FIP1L1: variants seen among roughly 807,000 people sequenced by gnomAD.
FIP1L1 encodes pre-mRNA 3'-end-processing factor FIP1.
FIP1L1 carries 21 observed loss-of-function variants against 84.6 expected under a neutral mutation model. That is an observed-to-expected ratio of 0.25 (90% CI 0.18 to 0.36). The LOEUF is 0.36. Ranked by LOEUF, FIP1L1 falls within the 10% of genes least tolerant of loss-of-function variation. The pLI is 1.00. For synonymous variants in FIP1L1, 263 were observed against 242.3 expected, an observed-to-expected ratio of 1.09 and a Z score of -0.80; for missense variants, 526 against 751.1, an observed-to-expected ratio of 0.70 and a Z score of 3.50.
At chr4:53,384,022 T>G (rs10012853) in intron 5 of FIP1L1, 146 bp downstream of exon 5, 613,135 of 739,014 alleles carry the variant, frequency 0.83, 255,493 homozygotes, top group Non-Finnish European at 0.85. Flanking sequence ...TCATCATGAA[T>G]ATACTTCTTT....
chr4:53,459,185 G>T, intron 17 of FIP1L1, 117 bp from the exon 18 acceptor site: 1 of 712,234 alleles, frequency 1.4e-6, no homozygotes, highest in Non-Finnish European at 2.3e-6. Flanking sequence ...ATGAGAAAAT[G>T]CATTAGATTA....
At chr4:53,389,256 A>G (rs1232236790) in intron 5 of FIP1L1, among the ~76,000 whole-genome samples, 3 of 152,248 alleles carry the variant, frequency 2.0e-5, no homozygotes, top group Admixed American at 2.0e-4. Flanking sequence ...AAGAACTGAA[A>G]GGCCACTAGA....
chr4:53,428,266 T>C, intron 13 of FIP1L1, 83 bp downstream of exon 13: 3 of 1,317,570 alleles, frequency 2.3e-6, no homozygotes, highest in Non-Finnish European at 3.1e-6. Context: ...TAAAATAATA[T>C]CTTGATCACA....
chr4:53,377,981 C>G, intron 1 of FIP1L1, 58 bp downstream of exon 1: 1 of 1,411,946 alleles, frequency 7.1e-7, no homozygotes, highest in Non-Finnish European at 9.5e-7. Context: ...TCTTGGCCCT[C>G]AAACGGCCGG....
In FIP1L1 at chr4:53,453,012, G is replaced by A. The variant is rs749897147; in HGVS notation, c.1378G>A (p.Asp460Asn). Residue 460 changes from aspartate to asparagine, a missense_variant, in exon 16 of 18, where the codon GAC (aspartate) becomes AAC (asparagine). Physicochemically the swap from Asp to Asn is conservative, Grantham distance 23. Around this residue, in one of 6 missense-constraint regions of FIP1L1, gnomAD observed 83 missense variants for 93.8 expected, o/e 0.88. Coordinates refer to ENST00000337488, the MANE Select transcript of FIP1L1 (RefSeq NM_030917.4). ...QWDYYARREKDRDRERDRDRE... is the reference protein window; with the variant it reads ...QWDYYARREKNRDRERDRDRE... ...GGACTATTATGCCAGAAGAGAGAAA[G>A]ACCGAGATAGAGAGAGAGACAGAGA... The A allele has an allele frequency of 6.2e-7, 1 of 1,613,748 alleles. No homozygotes were observed. Among genetic ancestry groups the A allele is most frequent in the South Asian group, 1.1e-5 (1 of 91,056 alleles).
Position 53,442,552 on chromosome 4 carries a change from C to G in FIP1L1, c.1175-101C>G. ...TTATTACAACATAGAGAAGCACATT[C>G]ATATCCCCAGAGAAATTTAGTGATA... On this transcript the variant is annotated intron_variant, in intron 13 of 17. Coordinates refer to ENST00000337488, the MANE Select transcript of FIP1L1 (RefSeq NM_030917.4). 4 of 766,818 alleles carry G rather than the reference C, an allele frequency of 5.2e-6. No individual in the cohort carries two copies. The South Asian group carries it at 6.4e-5, about 12-fold the overall frequency. The allele number at this position is 766,818 out of a possible 1,614,324, so 47.5% of individuals were successfully genotyped here. A position where few individuals can be genotyped will look rare whatever the true frequency, so the allele number is the denominator to read the frequency against.
intron 5 of FIP1L1, among the ~76,000 whole-genome samples, chr4:53,388,193 A>G (rs1461611013): frequency 6.6e-6 from 1 of 152,226 alleles, no homozygotes; most frequent in Admixed American, 6.5e-5. Context: ...ATCAGAGACA[A>G]AAGATGGAAG....
rs563682335 is a variant in FIP1L1, at chr4:53,389,946, T to C, written c.397+73T>C. On this transcript the variant is annotated intron_variant, in intron 6 of 17. Transcript: ENST00000337488. ...TCTTAAATAGGTCTTAATAGCTTTTTTTTTTAGTCGGGGACAGAGTCTGGC... is the reference window on the plus strand; with the variant it reads ...TCTTAAATAGGTCTTAATAGCTTTTCTTTTTAGTCGGGGACAGAGTCTGGC... The C allele has an allele frequency of 4.2e-6, 5 of 1,182,646 alleles. No homozygotes were observed. The African/African-American group carries it at 6.3e-5, about 15-fold the overall frequency. 73.3% of individuals were successfully genotyped at this position (1,182,646 alleles called of 1,614,324 possible).
chr4:53,418,196 G>A (rs1760676529), intron 11 of FIP1L1, among the ~76,000 whole-genome samples: 1 of 152,210 alleles, frequency 6.6e-6, no homozygotes, highest in South Asian at 2.1e-4. Context: ...GGCTGAGGTG[G>A]GTGGATCACT....
intron 13 of FIP1L1, among the ~76,000 whole-genome samples, chr4:53,433,518 T>C (rs1578888839): frequency 2.1e-3 from 1 of 476 alleles, no homozygotes; most frequent in Non-Finnish European, 0.062. Flanking sequence ...TTGATGTTCA[T>C]TTTTTTTTTT....
At chr4:53,413,501 T>A (rs549329596) in intron 10 of FIP1L1, among the ~76,000 whole-genome samples, 1 of 152,244 alleles carries the variant, frequency 6.6e-6, no homozygotes, top group East Asian at 1.9e-4. Context: ...CCTATTTCTC[T>A]TTCCCTATTC....
chr4:53,381,753 C>CTTTTTTTTTTTTTTTTTTTTT lies in FIP1L1; in HGVS notation c.171-521_171-501dup, dbSNP rs531488760. ...AATAAACTGTGAAGGCATTTGCATT[C>CTTTTTTTTTTTTTTTTTTTTT]TTTTTTTTTTTTTTTTTTTTTTTTG... On this transcript the variant is annotated intron_variant, in intron 3 of 17. Coordinates refer to ENST00000337488, the MANE Select transcript of FIP1L1 (RefSeq NM_030917.4). Among the ~76,000 whole-genome samples the CTTTTTTTTTTTTTTTTTTTTT allele has an allele frequency of 3.4e-3, 298 of 87,908 alleles. 61 individuals carry two copies. Among genetic ancestry groups the CTTTTTTTTTTTTTTTTTTTTT allele is most frequent in the Admixed American group, 6.0e-3 (44 of 7,356 alleles). The allele number at this position is 87,908 out of a possible 152,430, so 57.7% of individuals were successfully genotyped here.
chr4:53,377,688 C>G lies in FIP1L1; in HGVS notation c.-151C>G. 4 of 660,760 alleles carry G rather than the reference C, an allele frequency of 6.1e-6. No homozygotes were observed. Among genetic ancestry groups the G allele is most frequent in the South Asian group, 2.3e-5 (1 of 43,992 alleles). The allele number at this position is 660,760 out of a possible 1,614,324, so 40.9% of individuals were successfully genotyped here. A position where few individuals can be genotyped will look rare whatever the true frequency, so the allele number is the denominator to read the frequency against. ...GCTGGAGGCTTCATCTTTGCCGCCG[C>G]TGCCGTCGCCTTCCTGGGATTGGAG... On this transcript the variant is annotated 5_prime_UTR_variant, in exon 1 of 18. Coordinates refer to ENST00000337488, the MANE Select transcript of FIP1L1 (RefSeq NM_030917.4).
chr4:53,451,332 A>G (rs1396468155), intron 15 of FIP1L1, among the ~76,000 whole-genome samples: 7 of 149,422 alleles, frequency 4.7e-5, no homozygotes, highest in Non-Finnish European at 7.4e-5. Flanking sequence ...TTTTCTTTCA[A>G]CCTTTCTGTG....
Position 53,460,442 on chromosome 4 carries a change from C to CT in FIP1L1, c.*994dup, listed in dbSNP as rs1318466119. The CT allele has an allele frequency of 5.2e-6, 1 of 191,130 alleles. No individual in the cohort carries two copies. Among genetic ancestry groups the CT allele is most frequent in the Admixed American group, 6.2e-5 (1 of 16,258 alleles). 11.8% of individuals were successfully genotyped at this position (191,130 alleles called of 1,614,324 possible). On this transcript the variant is annotated 3_prime_UTR_variant, in exon 18 of 18. Transcript: ENST00000337488. The stretch of plus-strand genomic sequence containing the variant: ...AAGTAATCTTAATTAGTATCACATA[C>CT]TAAAAGACAACTATAACTTCTGAAA...
At chr4:53,388,582 G>C (rs557622733) in intron 5 of FIP1L1, among the ~76,000 whole-genome samples, 4 of 152,070 alleles carry the variant, frequency 2.6e-5, no homozygotes, top group African/African-American at 7.2e-5. Flanking sequence ...TGATCCACCC[G>C]CCTCGGCCTC....
Position 53,428,176 on chromosome 4 carries a change from A to G in FIP1L1, c.1167A>G (p.Pro389=), listed in dbSNP as rs1214261576. The G allele has an allele frequency of 1.3e-6, 2 of 1,574,876 alleles. No individual in the cohort carries two copies. The highest frequency in any genetic ancestry group is 1.7e-5 in the Admixed American group (1 of 58,044). Residue 389 remains proline (P), a synonymous_variant, in exon 13 of 18, where the codon CCA becomes CCG. Transcript: ENST00000337488. ...TCAGCACTGCTCCACCTCTGATTCC[A>G]CCACCGGGTAAATAGTAAATAAGAC... The part of the protein sequence containing the change: ...PTVSTAPPLI[P]PPGFPPPPGA...
intron 10 of FIP1L1, 53 bp from the exon 11 acceptor site, chr4:53,414,562 G>T (rs1205265219): frequency 2.5e-6 from 3 of 1,224,098 alleles, no homozygotes; most frequent in Middle Eastern, 3.9e-4. Flanking sequence ...CAGAACAAGG[G>T]GGGTCAGAGA....
Position 53,460,190 on chromosome 4 carries a change from T to G in FIP1L1, c.*741T>G, listed in dbSNP as rs1721621228. 5.1e-6 allele frequency: 1 copy of G among 196,644 alleles called. No individual in the cohort carries two copies. The highest frequency in any genetic ancestry group is 6.1e-5 in the Admixed American group (1 of 16,514). 12.2% of individuals were successfully genotyped at this position (196,644 alleles called of 1,614,324 possible). A position where few individuals can be genotyped will look rare whatever the true frequency, so the allele number is the denominator to read the frequency against. ...GCTGGTTTGGCCTTCTTGATGCATT[T>G]TCCAAGGCCCACTGGTGGAGCAGCA... is the stretch of plus-strand genomic sequence containing the variant. On this transcript the variant is annotated 3_prime_UTR_variant, in exon 18 of 18. Coordinates refer to ENST00000337488, the MANE Select transcript of FIP1L1 (RefSeq NM_030917.4).
Sources: gnomAD v4.1 joint callset for allele counts (sites outside exome capture counted in the v4.1 genomes callset) on GRCh38, gnomAD v4.1.1 for gene constraint, gnomAD v4.1.1 regional missense constraint, MANE v1.5 for transcripts, NCBI Gene and HGNC (gene_info 2026-07-23, HGNC 2026-07-21) for gene names.